TTLL5: variants seen among roughly 807,000 people sequenced by gnomAD.
TTLL5 encodes the protein tubulin polyglutamylase TTLL5.
Under a neutral mutation model 168.4 loss-of-function variants are expected in TTLL5, and 132 were observed. That is an observed-to-expected ratio of 0.78 (90% CI 0.68 to 0.91). The LOEUF is 0.91. TTLL5 is among the 40% of genes least tolerant of loss of function. The pLI, the probability that TTLL5 is intolerant of heterozygous loss-of-function variation, is 0.00. For synonymous variants in TTLL5, 546 were observed against 558.6 expected (o/e 0.98, Z 0.32); for missense variants, 1,545 against 1,581.5 (o/e 0.98, Z 0.39).
chr14:75,940,905 A>C (rs907644919), intron 31 of TTLL5, among the ~76,000 whole-genome samples: 3 of 152,222 alleles, frequency 2.0e-5, no homozygotes, highest in African/African-American at 7.2e-5. Context: ...TAGAAGAATT[A>C]GGCTTGTTGT....
chr14:75,718,138 A>G (rs1887592866), intron 10 of TTLL5, among the ~76,000 whole-genome samples, 176 bp downstream of exon 10: 1 of 152,166 alleles, frequency 6.6e-6, no homozygotes. Context: ...CTGCTTCTCC[A>G]TTGCCTCCCC....
intron 31 of TTLL5, among the ~76,000 whole-genome samples, chr14:75,951,324 G>T (rs768577019): frequency 5.9e-5 from 9 of 152,116 alleles, no homozygotes; most frequent in Non-Finnish European, 1.2e-4. Flanking sequence ...ACTCCAGCTT[G>T]GGTGACAGAG....
Position 75,717,859 on chromosome 14 carries a change from A to G in TTLL5, c.741-2A>G. On this transcript the variant is annotated splice_acceptor_variant, in intron 9 of 31. Transcript: ENST00000298832. LOFTEE classifies it high-confidence loss of function. ...GCATTTAACCTGTTTCCCTTCTATC[A>G]GGTTTGCAACTGTGCGATATGATCA... The G allele has an allele frequency of 6.2e-7, 1 of 1,613,446 alleles. No individual in the cohort carries two copies.
At chr14:75,948,412 G>A (rs557566567) in intron 31 of TTLL5, among the ~76,000 whole-genome samples, 76 of 152,164 alleles carry the variant, frequency 5.0e-4, no homozygotes, top group African/African-American at 1.8e-3. Context: ...TTGAAACTGA[G>A]AGGTGGAGGT....
At chr14:75,952,666 A>AT (rs990723080) in intron 31 of TTLL5, among the ~76,000 whole-genome samples, 2 of 152,254 alleles carry the variant, frequency 1.3e-5, no homozygotes, top group African/African-American at 4.8e-5. Flanking sequence ...ACAATGGAAT[A>AT]TTATTCAGCC....
At chr14:75,724,187 A>G (rs1207337879) in intron 12 of TTLL5, among the ~76,000 whole-genome samples, 1 of 152,172 alleles carries the variant, frequency 6.6e-6, no homozygotes, top group Non-Finnish European at 1.5e-5. Context: ...GATCTCTGCC[A>G]GGGGCATTCC....
chr14:75,681,838 A>T (rs918093689), intron 4 of TTLL5, among the ~76,000 whole-genome samples: 1 of 151,736 alleles, frequency 6.6e-6, no homozygotes, highest in Admixed American at 6.6e-5. Flanking sequence ...TTAGAAAAAA[A>T]TTTTTTCTTG....
chr14:75,829,840 A>G (rs1160750967), intron 28 of TTLL5, among the ~76,000 whole-genome samples: 5 of 152,334 alleles, frequency 3.3e-5, no homozygotes, highest in Admixed American at 1.3e-4. Context: ...GTCAGAAATA[A>G]TGTATTAGTC....
chr14:75,703,313 T>C (rs1175382768), intron 7 of TTLL5, among the ~76,000 whole-genome samples: 1 of 152,168 alleles, frequency 6.6e-6, no homozygotes, highest in East Asian at 1.9e-4. Context: ...GTCATAACCT[T>C]TTGGAAACTC....
intron 31 of TTLL5, among the ~76,000 whole-genome samples, chr14:75,912,776 A>G (rs1158529218): frequency 2.0e-5 from 3 of 152,244 alleles, no homozygotes; most frequent in East Asian, 3.8e-4. Context: ...CTAATGAACT[A>G]TTAAAAAATA....
At chr14:75,665,167 A>C (rs2140079627) in intron 2 of TTLL5, among the ~76,000 whole-genome samples, 1 of 152,396 alleles carries the variant, frequency 6.6e-6, no homozygotes, top group African/African-American at 2.4e-5. Context: ...TACTAATTAC[A>C]TTCAAATGCA....
chr14:75,669,372 A>T, intron 2 of TTLL5, 44 bp from the exon 3 acceptor site: 1 of 1,551,584 alleles, frequency 6.4e-7, no homozygotes, highest in Non-Finnish European at 8.8e-7. Flanking sequence ...CAGTTAGTTC[A>T]GGTTTTGAGC....
At chr14:75,829,488 C>G (rs1405965523) in intron 28 of TTLL5, among the ~76,000 whole-genome samples, 3 of 150,858 alleles carry the variant, frequency 2.0e-5, no homozygotes, top group African/African-American at 7.3e-5. Context: ...ATTCATTAAG[C>G]AGAAGTGAAT....
At chr14:75,752,295 T>C (rs1237365694) in intron 17 of TTLL5, among the ~76,000 whole-genome samples, 4 of 152,216 alleles carry the variant, frequency 2.6e-5, no homozygotes. Flanking sequence ...CAAATGCCTC[T>C]GACAAGAGGA....
At chr14:75,847,721 A>G (rs1310958305) in intron 28 of TTLL5, 2 of 152,020 alleles carry the variant, frequency 1.3e-5, no homozygotes, top group African/African-American at 2.4e-5. Context: ...CCCAAGCAAT[A>G]TGGTGGCAGA....
At chr14:75,710,970 G>T in intron 9 of TTLL5, 1 of 152,088 alleles carries the variant, frequency 6.6e-6, no homozygotes, top group East Asian at 1.9e-4. Context: ...TATCACTTCT[G>T]TTTTGGACCT....
intron 3 of TTLL5, among the ~76,000 whole-genome samples, chr14:75,669,845 ACT>A (rs1883587783): frequency 6.6e-6 from 1 of 152,072 alleles, no homozygotes; most frequent in Admixed American, 6.6e-5. Context: ...AGCCGTCACC[ACT>A]GTTTAGTTCC....
At chr14:75,932,812 C>T (rs1246649026) in intron 31 of TTLL5, among the ~76,000 whole-genome samples, 2 of 152,070 alleles carry the variant, frequency 1.3e-5, no homozygotes, top group Non-Finnish European at 2.9e-5. Context: ...AAATAGTTGC[C>T]ATGTCTTCTT....
At chr14:75,699,018 A>C (rs1886070548) in intron 6 of TTLL5, among the ~76,000 whole-genome samples, 170 bp from the exon 7 acceptor site, 1 of 152,096 alleles carries the variant, frequency 6.6e-6, no homozygotes, top group South Asian at 2.1e-4. Context: ...TTTTATTTTT[A>C]AGGCAAGTCC....
Sources: gnomAD v4.1 joint callset for allele counts (sites outside exome capture counted in the v4.1 genomes callset) on GRCh38, gnomAD v4.1.1 for gene constraint, MANE v1.5 for transcripts, NCBI Gene and HGNC (gene_info 2026-07-23, HGNC 2026-07-21) for gene names.